Variants in SNAPC1 observed in about 807,000 individuals in gnomAD.
The protein encoded by SNAPC1 is snRNA-activating protein complex subunit 1.
Under a neutral mutation model 50.1 loss-of-function variants are expected in SNAPC1, and 42 were observed. That is an observed-to-expected ratio of 0.84 (90% CI 0.65 to 1.08). The LOEUF (loss-of-function observed/expected upper bound fraction) is 1.08. Ranked by LOEUF, SNAPC1 falls within the 50% of genes least tolerant of loss-of-function variation. The probability of loss-of-function intolerance (pLI) is 0.00; values close to 1 mark genes in which losing one functional copy is unlikely to be tolerated. For synonymous variants in SNAPC1, 164 were observed against 144.2 expected, an observed-to-expected ratio of 1.14 and a Z score of -0.98; for missense variants, 477 against 427.3, an observed-to-expected ratio of 1.12 and a Z score of -1.02.
At chr14:61,773,701 T>A (rs1380775815) in intron 4 of SNAPC1, among the ~76,000 whole-genome samples, 2 of 150,298 alleles carry the variant, frequency 1.3e-5, no homozygotes, top group Non-Finnish European at 3.0e-5. Context: ...TGGCCTTTTT[T>A]TTTTTTTTAT....
intron 2 of SNAPC1, 22 bp from the exon 3 acceptor site, chr14:61,767,190 T>A (rs368351922): frequency 1.4e-6 from 2 of 1,404,984 alleles, no homozygotes; most frequent in South Asian, 1.9e-5. Context: ...TTAGTACAAC[T>A]TTTTTTTCTT....
At chr14:61,776,650 A>G (rs575524453) in intron 5 of SNAPC1, among the ~76,000 whole-genome samples, 52 of 152,176 alleles carry the variant, frequency 3.4e-4, no homozygotes, top group Admixed American at 9.2e-4. Flanking sequence ...AAATTTAAGT[A>G]TTTGTGAACT....
At position 61,796,268 on chromosome 14, in the gene SNAPC1, G is replaced by C. The variant is rs1264328738; in HGVS notation, c.*1285G>C. 1 of 151,450 alleles carries C rather than the reference G, an allele frequency of 6.6e-6. No homozygotes were observed. The highest frequency in any genetic ancestry group is 1.9e-4 in the East Asian group (1 of 5,174). The allele number at this position is 151,450 out of a possible 1,614,324, so 9.4% of individuals were successfully genotyped here. A position where few individuals can be genotyped will look rare whatever the true frequency, so the allele number is the denominator to read the frequency against. ...GAGAATGGTGTGAACCCAGTGAGCC[G>C]AGATCGTGCCACTGCACTCCAGCCT... On this transcript the variant is annotated 3_prime_UTR_variant, in exon 10 of 10. Transcript: ENST00000216294.
At position 61,766,874 on chromosome 14, in the gene SNAPC1, A is replaced by T; in HGVS notation, c.129-2A>T. 1 of 1,589,294 alleles carries T rather than the reference A, an allele frequency of 6.3e-7. No individual in the cohort carries two copies. Among genetic ancestry groups the T allele is most frequent in the Non-Finnish European group, 8.6e-7 (1 of 1,158,474 alleles). On this transcript the variant is annotated splice_acceptor_variant, in intron 1 of 9. Transcript: ENST00000216294. LOFTEE classifies it high-confidence loss of function. ...GTAATATATTTTCTCTCTGTTTATT[A>T]GTGGCAGAATGAGAAATTTAGAAAA...
intron 9 of SNAPC1, among the ~76,000 whole-genome samples, chr14:61,794,236 C>A (rs992914891): frequency 1.3e-5 from 2 of 151,998 alleles, no homozygotes; most frequent in African/African-American, 4.8e-5. Flanking sequence ...ACCCTGGGTT[C>A]ATATAATTAT....
In SNAPC1 at chr14:61,778,833, T is replaced by A; in HGVS notation, c.763-15T>A. On this transcript the variant is annotated splice_polypyrimidine_tract_variant and intron_variant, in intron 6 of 9. Coordinates refer to ENST00000216294, the MANE Select transcript of SNAPC1 (RefSeq NM_003082.4). ...GTGTGTTTTAACTTTTTTTTCCTTC[T>A]TATTTTACATCCAGAGATGTGAAAG... The A allele has an allele frequency of 6.5e-7, 1 of 1,533,318 alleles. No homozygotes were observed. The highest frequency in any genetic ancestry group is 8.8e-7 in the Non-Finnish European group (1 of 1,132,572). The allele number at this position is 1,533,318 out of a possible 1,614,324, so 95.0% of individuals were successfully genotyped here. A position where few individuals can be genotyped will look rare whatever the true frequency, so the allele number is the denominator to read the frequency against.
intron 7 of SNAPC1, among the ~76,000 whole-genome samples, chr14:61,779,830 T>C (rs2045059384): frequency 6.6e-6 from 1 of 150,988 alleles, no homozygotes. Flanking sequence ...TGCCTCAGCC[T>C]CTCGAGTAGC....
intron 8 of SNAPC1, 91 bp downstream of exon 8, chr14:61,782,488 T>A: frequency 1.1e-6 from 1 of 900,338 alleles, no homozygotes; most frequent in Non-Finnish European, 1.6e-6. Context: ...TTAAGAAGGA[T>A]TAGATACTTG....
chr14:61,786,231 G>A (rs1026955322), intron 8 of SNAPC1, among the ~76,000 whole-genome samples: 25 of 152,040 alleles, frequency 1.6e-4, no homozygotes, highest in African/African-American at 6.0e-4. Flanking sequence ...GTGTTCTTGG[G>A]TTGGGCAAGA....
chr14:61,769,281 C>T (rs2044970655), intron 4 of SNAPC1, among the ~76,000 whole-genome samples: 1 of 151,660 alleles, frequency 6.6e-6, no homozygotes, highest in South Asian at 2.1e-4. Context: ...TCACAAACCC[C>T]AGAGGTAGAG....
chr14:61,792,948 C>A (rs755647378), intron 9 of SNAPC1, 46 bp downstream of exon 9: 6 of 923,756 alleles, frequency 6.5e-6, no homozygotes, highest in South Asian at 1.5e-5. Flanking sequence ...CTAACTTATA[C>A]TCGTAGAGCA....
intron 9 of SNAPC1, among the ~76,000 whole-genome samples, chr14:61,793,568 G>GT (rs1170394085): frequency 6.7e-6 from 1 of 149,664 alleles, no homozygotes; most frequent in African/African-American, 2.5e-5. Flanking sequence ...ATCTTAATTT[G>GT]TTTTTTTTAC....
chr14:61,763,098 T>G (rs550916605), intron 1 of SNAPC1, among the ~76,000 whole-genome samples: 1 of 149,962 alleles, frequency 6.7e-6, no homozygotes, highest in South Asian at 2.1e-4. Context: ...TTCAAGTGAT[T>G]CTCTTGCCTC....
chr14:61,773,570 A>AT, intron 4 of SNAPC1, among the ~76,000 whole-genome samples: 1 of 148,592 alleles, frequency 6.7e-6, no homozygotes, highest in Admixed American at 6.7e-5. Flanking sequence ...AATTTTTTGT[A>AT]TTTTTTTAGT....
At chr14:61,785,323 C>T (rs7151219) in intron 8 of SNAPC1, among the ~76,000 whole-genome samples, 5,245 of 152,110 alleles carry the variant, frequency 0.034, 310 homozygotes, top group African/African-American at 0.12. Context: ...TGCTTGAACC[C>T]GGGAGGCGGA....
rs371637400 is a variant in SNAPC1, at chr14:61,794,848, G to A, written c.1073-101G>A. On this transcript the variant is annotated intron_variant, in intron 9 of 9. Transcript: ENST00000216294. ...TTAGACGTCTATGTAGTTGAAATGT[G>A]TATTATCAATTAGGTATTATCATGT... 1.4e-5 allele frequency: 11 copies of A among 785,104 alleles called. No homozygotes were observed. The African/African-American group carries it at 1.7e-4, about 12-fold the overall frequency. 48.6% of individuals were successfully genotyped at this position (785,104 alleles called of 1,614,324 possible). A position where few individuals can be genotyped will look rare whatever the true frequency, so the allele number is the denominator to read the frequency against.
In SNAPC1 at chr14:61,766,939, A is replaced by G. The variant is rs201269619; in HGVS notation, c.192A>G (p.Arg64=). Residue 64 remains arginine (R), a synonymous_variant, in exon 2 of 10, where the codon CGA becomes CGG. Transcript: ENST00000216294. ...FTKEALALAW[R]YFLPPYTFQI... The stretch of plus-strand genomic sequence containing the variant: ...AAGAAGCTTTAGCTTTGGCTTGGCG[A>G]TATTTTTTACCTCCATACACCTTCC... 8.1e-6 allele frequency: 13 copies of G among 1,611,604 alleles called. No homozygotes were observed. In the East Asian group the frequency reaches 2.7e-4, roughly 33 times the overall value.
At chr14:61,779,998 T>C (rs1039304890) in intron 7 of SNAPC1, among the ~76,000 whole-genome samples, 4 of 152,196 alleles carry the variant, frequency 2.6e-5, no homozygotes, top group Non-Finnish European at 5.9e-5. Context: ...TGTGAGCCAG[T>C]GCACCTGGCC....
In SNAPC1 at chr14:61,782,276, C is replaced by G. The variant is rs2045080935; in HGVS notation, c.855C>G (p.Val285=). ...QASKSRRHRQ[V]KLDSSDSDSA... is the part of the protein sequence containing the mutation. The stretch of plus-strand genomic sequence containing the variant: ...CCAAATCAAGAAGGCATCGTCAAGT[C>G]AAACTCGACTCTTCTGACTCTGATT... Residue 285 remains valine (V), a synonymous_variant, in exon 8 of 10, where the codon GTC becomes GTG. Coordinates refer to ENST00000216294, the MANE Select transcript of SNAPC1 (RefSeq NM_003082.4). 6.2e-7 allele frequency: 1 copy of G among 1,605,564 alleles called. No individual in the cohort carries two copies. The highest frequency in any genetic ancestry group is 1.7e-5 in the Admixed American group (1 of 57,582).
Sources: gnomAD v4.1 joint callset for allele counts (sites outside exome capture counted in the v4.1 genomes callset) on GRCh38, gnomAD v4.1.1 for gene constraint, MANE v1.5 for transcripts, NCBI Gene and HGNC (gene_info 2026-07-23, HGNC 2026-07-21) for gene names.